Variants in L2HGDH observed in about 807,000 individuals in gnomAD.
The protein encoded by L2HGDH is L-2-hydroxyglutarate dehydrogenase, mitochondrial.
In L2HGDH, 34 loss-of-function variants were observed where a neutral mutation model predicts 51.5. That is an observed-to-expected ratio of 0.66 (90% CI 0.50 to 0.88). L2HGDH has a LOEUF of 0.88. Ranked by LOEUF, L2HGDH falls within the 40% of genes least tolerant of loss-of-function variation. The pLI is 0.00. For synonymous variants in L2HGDH, 198 were observed against 197.9 expected, an observed-to-expected ratio of 1.00 and a Z score of -0.01; for missense variants, 558 against 571.9, an observed-to-expected ratio of 0.98 and a Z score of 0.25.
intron 4 of L2HGDH, among the ~76,000 whole-genome samples, chr14:50,292,247 C>G (rs1342692301): frequency 1.3e-5 from 2 of 152,204 alleles, no homozygotes; most frequent in Admixed American, 6.5e-5. Context: ...TGTCTCCACA[C>G]AGACATACAG....
chr14:50,311,671 C>T (rs1040867325), intron 1 of L2HGDH, among the ~76,000 whole-genome samples: 7 of 152,178 alleles, frequency 4.6e-5, no homozygotes, highest in Admixed American at 1.3e-4. Flanking sequence ...TCCTTTTATC[C>T]TTCAAATGAC....
intron 1 of L2HGDH, among the ~76,000 whole-genome samples, chr14:50,306,164 C>A (rs1168970497): frequency 6.6e-6 from 1 of 151,892 alleles, no homozygotes; most frequent in Non-Finnish European, 1.5e-5. Context: ...GATTCTTCCA[C>A]CTCAGCCTCC....
At chr14:50,287,469 G>A (rs1008236122) in intron 4 of L2HGDH, 4 of 215,386 alleles carry the variant, frequency 1.9e-5, no homozygotes, top group Non-Finnish European at 7.9e-6. Context: ...CAGCAGCTCA[G>A]ATGTACTTTT....
At chr14:50,257,221 G>A (rs973841297) in intron 9 of L2HGDH, among the ~76,000 whole-genome samples, 3 of 152,038 alleles carry the variant, frequency 2.0e-5, no homozygotes, top group Non-Finnish European at 4.4e-5. Flanking sequence ...GAGCCACTGT[G>A]CCCAACCCCA....
At chr14:50,300,186 T>C (rs567820248) in intron 3 of L2HGDH, among the ~76,000 whole-genome samples, 2 of 152,248 alleles carry the variant, frequency 1.3e-5, no homozygotes, top group East Asian at 3.9e-4. Context: ...AATAATGTAT[T>C]ATATTCTTGA....
intron 9 of L2HGDH, 53 bp from the exon 10 acceptor site, chr14:50,247,306 C>T: frequency 1.9e-6 from 3 of 1,585,116 alleles, no homozygotes; most frequent in East Asian, 2.3e-5. Flanking sequence ...GGATACTTTA[C>T]AAGTCAGCGT....
At chr14:50,253,420 G>T (rs1204455298) in intron 9 of L2HGDH, among the ~76,000 whole-genome samples, 1 of 152,152 alleles carries the variant, frequency 6.6e-6, no homozygotes, top group Middle Eastern at 3.4e-3. Flanking sequence ...ATGGCAAACA[G>T]GCATATGAAA....
chr14:50,276,083 G>A (rs1889965000), intron 6 of L2HGDH, among the ~76,000 whole-genome samples: 1 of 152,180 alleles, frequency 6.6e-6, no homozygotes, highest in African/African-American at 2.4e-5. Context: ...CTAGGCTTGG[G>A]GATGATAAAG....
chr14:50,304,560 G>A (rs1461782405), intron 1 of L2HGDH, among the ~76,000 whole-genome samples: 1 of 152,248 alleles, frequency 6.6e-6, no homozygotes, highest in African/African-American at 2.4e-5. Context: ...TTAGGGCCGG[G>A]CGTGGTGGCT....
chr14:50,248,453 A>G (rs967403684), intron 9 of L2HGDH, among the ~76,000 whole-genome samples: 3 of 152,204 alleles, frequency 2.0e-5, no homozygotes, highest in African/African-American at 4.8e-5. Context: ...GTAAGTGCTT[A>G]CTCTGTGCTA....
intron 7 of L2HGDH, among the ~76,000 whole-genome samples, chr14:50,268,822 A>AC: frequency 6.6e-6 from 1 of 152,328 alleles, no homozygotes; most frequent in Non-Finnish European, 1.5e-5. Flanking sequence ...CAGATAGTGA[A>AC]CTGAGGAAAA....
chr14:50,287,302 G>C, intron 4 of L2HGDH: 1 of 984,624 alleles, frequency 1.0e-6, no homozygotes, highest in Non-Finnish European at 1.2e-6. Flanking sequence ...ATGGGTTCCT[G>C]TTCCGATTTT....
At chr14:50,262,820 T>C (rs1260626731) in intron 9 of L2HGDH, among the ~76,000 whole-genome samples, 1 of 152,120 alleles carries the variant, frequency 6.6e-6, no homozygotes, top group Non-Finnish European at 1.5e-5. Flanking sequence ...CTGCACTTAA[T>C]AACTATAGGA....
intron 3 of L2HGDH, among the ~76,000 whole-genome samples, chr14:50,295,969 C>A (rs2030019051): frequency 6.7e-6 from 1 of 149,916 alleles, no homozygotes; most frequent in African/African-American, 2.5e-5. Context: ...GAACTCCTGA[C>A]CTCAGGTGGT....
intron 1 of L2HGDH, among the ~76,000 whole-genome samples, chr14:50,306,358 T>C (rs935808335): frequency 1.3e-5 from 2 of 152,126 alleles, no homozygotes; most frequent in African/African-American, 4.8e-5. Flanking sequence ...TGTATTTTTT[T>C]AATTTATCAA....
At chr14:50,282,178 G>A (rs1248184559) in intron 5 of L2HGDH, among the ~76,000 whole-genome samples, 1 of 152,088 alleles carries the variant, frequency 6.6e-6, no homozygotes, top group African/African-American at 2.4e-5. Flanking sequence ...GGGGCGTGAT[G>A]GTACCGGCAT....
intron 5 of L2HGDH, among the ~76,000 whole-genome samples, chr14:50,281,486 G>A (rs1208887181): frequency 1.3e-5 from 2 of 152,116 alleles, no homozygotes; most frequent in African/African-American, 2.4e-5. Flanking sequence ...CAGTTACTTG[G>A]GAGGCTGAGG....
chr14:50,275,965 G>A (rs983687537), intron 6 of L2HGDH, among the ~76,000 whole-genome samples: 2 of 152,158 alleles, frequency 1.3e-5, no homozygotes, highest in South Asian at 2.1e-4. Flanking sequence ...GGTTGATACT[G>A]CAACACCTGG....
intron 1 of L2HGDH, among the ~76,000 whole-genome samples, chr14:50,304,953 A>G (rs2030643636): frequency 6.6e-6 from 1 of 152,244 alleles, no homozygotes; most frequent in Non-Finnish European, 1.5e-5. Context: ...GGAACTGTAG[A>G]CAGAGGGAAA....
Sources: allele counts gnomAD v4.1 joint callset (sites outside exome capture counted in the v4.1 genomes callset), GRCh38; gene constraint gnomAD v4.1.1; transcripts MANE v1.5; gene names NCBI Gene and HGNC (gene_info 2026-07-23, HGNC 2026-07-21).